Variants in LNP1 observed in about 807,000 individuals in gnomAD.
LNP1 encodes the protein leukemia NUP98 fusion partner 1.
A neutral mutation model predicts 14.5 loss-of-function variants in LNP1; 12 were observed. The observed-to-expected ratio is 0.83, with a 90% confidence interval of 0.53 to 1.34. The LOEUF (loss-of-function observed/expected upper bound fraction) is 1.34, where lower values mean the gene tolerates loss of function less well. Ranked by LOEUF, LNP1 falls within the 40% of genes most tolerant of loss-of-function variation. The pLI is 0.00. For synonymous variants in LNP1, 75 were observed against 71.4 expected (o/e 1.05, Z -0.26); for missense variants, 198 against 210.9 (o/e 0.94, Z 0.38).
At chr3:100,436,783 T>C (rs148024401) in intron 2 of LNP1, among the ~76,000 whole-genome samples, 73 of 152,266 alleles carry the variant, frequency 4.8e-4, no homozygotes, top group African/African-American at 1.7e-3. Context: ...TGTGATGGTA[T>C]TTGGAAATGG....
intron 2 of LNP1, among the ~76,000 whole-genome samples, chr3:100,448,121 A>T (rs1206166443): frequency 6.6e-6 from 1 of 152,192 alleles, no homozygotes; most frequent in Non-Finnish European, 1.5e-5. Flanking sequence ...TGTGATAGTC[A>T]TCATTTAACG....
chr3:100,406,354 A>G (rs1382921591), intron 1 of LNP1, among the ~76,000 whole-genome samples: 1 of 151,986 alleles, frequency 6.6e-6, no homozygotes, highest in South Asian at 2.1e-4. Context: ...TGATCCCCTC[A>G]ATAGGATGTA....
intron 2 of LNP1, among the ~76,000 whole-genome samples, chr3:100,445,489 A>C (rs969348472): frequency 6.6e-6 from 1 of 152,100 alleles, no homozygotes; most frequent in Admixed American, 6.6e-5. Flanking sequence ...ATTTATCAGG[A>C]CTTGGTTTCC....
intron 1 of LNP1, among the ~76,000 whole-genome samples, chr3:100,406,222 G>A (rs1285688795): frequency 1.3e-5 from 2 of 152,022 alleles, no homozygotes; most frequent in East Asian, 3.9e-4. Flanking sequence ...AGAGGCGGAG[G>A]TTGCAGTGAG....
intron 1 of LNP1, among the ~76,000 whole-genome samples, chr3:100,428,434 AG>A (rs2148903106): frequency 6.6e-6 from 1 of 151,978 alleles, no homozygotes; most frequent in East Asian, 1.9e-4. Flanking sequence ...TGGGAGCCTG[AG>A]GCAGGAGAAT....
rs76618584 is a variant in LNP1, at chr3:100,409,129, G to A, written c.-34+6690G>A. 3.7e-4 allele frequency among the ~76,000 whole-genome samples: 57 copies of A among 152,188 alleles called. 1 individual carries two copies. In the East Asian group the frequency reaches 0.01, roughly 28 times the overall value. On this transcript the variant is annotated intron_variant, in intron 1 of 3. Coordinates refer to ENST00000383693, the MANE Select transcript of LNP1 (RefSeq NM_001085451.2). ...TTGGCCCTCATTCAATCAGATGAGG[G>A]CCCAAATAGAACAAAACTTGACCCA...
intron 3 of LNP1, among the ~76,000 whole-genome samples, chr3:100,452,251 G>T (rs1162806502): frequency 7.0e-6 from 1 of 143,254 alleles, no homozygotes; most frequent in African/African-American, 2.7e-5. Context: ...TGCCCAGGCT[G>T]GAGTGCAGTG....
chr3:100,418,681 C>A (rs545074051), intron 1 of LNP1, among the ~76,000 whole-genome samples: 19 of 152,292 alleles, frequency 1.2e-4, no homozygotes, highest in Admixed American at 1.0e-3. Context: ...TGTTCCCCAT[C>A]CCATTTGGTT....
chr3:100,451,791 C>T lies in LNP1; in HGVS notation c.229C>T (p.Arg77Ter), dbSNP rs374548753. The stretch of plus-strand genomic sequence containing the variant: ...GCATTCTCATGAGGACCAAGAATTT[C>T]GATGCCGTAGCCACGTACGGGATTA... ...RRHSHEDQEFRCRSHVRDYRK... is the reference protein window; with the variant it reads ...RRHSHEDQEF The change falls in exon 3 of 4, where the codon CGA (arginine) becomes TGA (stop). Residue 77 changes from arginine (R) to a stop codon, truncating the protein, a stop_gained. Transcript: ENST00000383693. LOFTEE classifies it high-confidence loss of function. The T allele has an allele frequency of 1.5e-5, 25 of 1,613,826 alleles. No individual in the cohort carries two copies. Among genetic ancestry groups the T allele is most frequent in the Middle Eastern group, 1.6e-4 (1 of 6,080 alleles).
intron 2 of LNP1, 127 bp from the exon 3 acceptor site, chr3:100,451,592 C>G: frequency 1.7e-6 from 1 of 601,658 alleles, no homozygotes. Flanking sequence ...TTTTATTTTC[C>G]TTTCACAAAG....
intron 2 of LNP1, among the ~76,000 whole-genome samples, chr3:100,448,636 T>C (rs1461937856): frequency 2.0e-5 from 3 of 152,234 alleles, no homozygotes; most frequent in Non-Finnish European, 4.4e-5. Context: ...TAAAGTTAGC[T>C]TACTTATTAA....
At chr3:100,437,806 G>A (rs1707305558) in intron 2 of LNP1, among the ~76,000 whole-genome samples, 1 of 152,164 alleles carries the variant, frequency 6.6e-6, no homozygotes, top group Non-Finnish European at 1.5e-5. Context: ...TTTACAGGCA[G>A]TTTCACATGG....
chr3:100,405,035 G>A (rs952226610), intron 1 of LNP1, among the ~76,000 whole-genome samples: 5 of 151,932 alleles, frequency 3.3e-5, no homozygotes, highest in African/African-American at 1.2e-4. Flanking sequence ...CTCGTGATCC[G>A]CCCGCCTCGG....
intron 2 of LNP1, among the ~76,000 whole-genome samples, chr3:100,440,639 T>C (rs1707335965): frequency 6.6e-6 from 1 of 152,210 alleles, no homozygotes; most frequent in African/African-American, 2.4e-5. Flanking sequence ...TTTCCCTTTC[T>C]TCTATTCTTT....
chr3:100,433,907 GGTTT>G (rs1167494068), intron 2 of LNP1, among the ~76,000 whole-genome samples: 5 of 151,950 alleles, frequency 3.3e-5, no homozygotes, highest in Admixed American at 2.0e-4. Context: ...CTTTTTGATG[GGTTT>G]GTTTGTTTGT....
chr3:100,431,963 C>G (rs1576232110), intron 2 of LNP1, among the ~76,000 whole-genome samples: 1 of 130,926 alleles, frequency 7.6e-6, no homozygotes, highest in African/African-American at 3.0e-5. Flanking sequence ...CCACTGCTTT[C>G]CAACCTGGGT....
chr3:100,428,667 A>C (rs1707216597), intron 1 of LNP1, among the ~76,000 whole-genome samples: 1 of 152,210 alleles, frequency 6.6e-6, no homozygotes, highest in South Asian at 2.1e-4. Context: ...AGGGACTATA[A>C]AATTTATATA....
chr3:100,405,201 A>G (rs965440344), intron 1 of LNP1, among the ~76,000 whole-genome samples: 11 of 152,180 alleles, frequency 7.2e-5, no homozygotes, highest in Non-Finnish European at 1.5e-4. Flanking sequence ...CTACCCAAGC[A>G]CAAATGATTA....
chr3:100,421,168 G>C (rs920976020), intron 1 of LNP1, among the ~76,000 whole-genome samples: 1 of 152,064 alleles, frequency 6.6e-6, no homozygotes, highest in African/African-American at 2.4e-5. Context: ...TTAAACTGTG[G>C]ATGTTCAATT....
Sources: allele counts gnomAD v4.1 joint callset (sites outside exome capture counted in the v4.1 genomes callset), GRCh38; gene constraint gnomAD v4.1.1; transcripts MANE v1.5; gene names NCBI Gene and HGNC (gene_info 2026-07-23, HGNC 2026-07-21).